Variants in ZNF704 observed in about 807,000 individuals in gnomAD.
ZNF704 encodes the protein glucocorticoid induced gene 1.
ZNF704 carries 10 observed loss-of-function variants against 44.7 expected under a neutral mutation model. The observed-to-expected ratio is 0.22, with a 90% CI of 0.14 to 0.38. ZNF704 has a LOEUF of 0.38. Among genes scored for constraint, ZNF704 ranks in the 10% least tolerant of loss-of-function variants. The pLI, the probability that ZNF704 is intolerant of heterozygous loss-of-function variation, is 1.00. For missense variants in ZNF704, 390 were observed against 545.5 expected (o/e 0.71, Z 2.84); for synonymous variants, 211 against 207.6 (o/e 1.02, Z -0.14).
chr8:80,873,868 C>T (rs1191060250), intron 1 of ZNF704, among the ~76,000 whole-genome samples: 1 of 145,888 alleles, frequency 6.9e-6, no homozygotes, highest in African/African-American at 2.5e-5. Flanking sequence ...GCGGCGGCGG[C>T]AGCGGCGGCC....
chr8:80,699,322 T>A (rs919733722), intron 2 of ZNF704, among the ~76,000 whole-genome samples: 3 of 152,184 alleles, frequency 2.0e-5, no homozygotes, highest in African/African-American at 7.2e-5. Flanking sequence ...GTGGTAAATG[T>A]TAACTCTTCC....
intron 7 of ZNF704, among the ~76,000 whole-genome samples, chr8:80,647,382 G>T (rs968742432): frequency 6.6e-6 from 1 of 152,216 alleles, no homozygotes; most frequent in African/African-American, 2.4e-5. Context: ...GGAGACGGAA[G>T]TATCAAGCTA....
chr8:80,713,922 A>G (rs1819032132), intron 2 of ZNF704, among the ~76,000 whole-genome samples: 1 of 152,198 alleles, frequency 6.6e-6, no homozygotes, highest in Admixed American at 6.5e-5. Flanking sequence ...TTTGGGTTCT[A>G]GAAGAATACA....
intron 7 of ZNF704, among the ~76,000 whole-genome samples, chr8:80,650,284 T>TA (rs1313429575): frequency 6.6e-6 from 1 of 152,160 alleles, no homozygotes; most frequent in Non-Finnish European, 1.5e-5. Flanking sequence ...GCAGCGCAGC[T>TA]ACTCACCAGC....
At chr8:80,817,567 T>C (rs971742770) in intron 2 of ZNF704, among the ~76,000 whole-genome samples, 12 of 152,234 alleles carry the variant, frequency 7.9e-5, no homozygotes, top group African/African-American at 2.9e-4. Flanking sequence ...CGTTTGCATG[T>C]TTAATCCTGT....
At chr8:80,655,993 T>A (rs1237486192) in intron 7 of ZNF704, among the ~76,000 whole-genome samples, 2 of 152,148 alleles carry the variant, frequency 1.3e-5, no homozygotes, top group Non-Finnish European at 2.9e-5. Flanking sequence ...CTCAAATTCA[T>A]ATGATAAAGC....
chr8:80,746,291 C>G (rs1250693466), intron 2 of ZNF704, among the ~76,000 whole-genome samples: 1 of 152,076 alleles, frequency 6.6e-6, no homozygotes, highest in Non-Finnish European at 1.5e-5. Context: ...AGATTTATAC[C>G]ATCTGAAGAG....
chr8:80,791,585 A>G (rs926555709), intron 2 of ZNF704, among the ~76,000 whole-genome samples: 3 of 152,200 alleles, frequency 2.0e-5, no homozygotes, highest in Non-Finnish European at 2.9e-5. Flanking sequence ...AACATGACTC[A>G]CTGAGCTCCT....
chr8:80,803,301 A>C (rs1290508756), intron 2 of ZNF704, among the ~76,000 whole-genome samples: 1 of 152,180 alleles, frequency 6.6e-6, no homozygotes, highest in Non-Finnish European at 1.5e-5. Flanking sequence ...CCTTTAAACT[A>C]CCATTGACAT....
chr8:80,867,713 C>T (rs1348470016), intron 1 of ZNF704, among the ~76,000 whole-genome samples: 1 of 152,186 alleles, frequency 6.6e-6, no homozygotes, highest in African/African-American at 2.4e-5. Flanking sequence ...TCAGTGTTTG[C>T]TGCACAGTTC....
intron 1 of ZNF704, among the ~76,000 whole-genome samples, chr8:80,863,960 TACA>T (rs1283870015): frequency 1.3e-5 from 2 of 152,320 alleles, no homozygotes; most frequent in Admixed American, 6.5e-5. Context: ...TAAATTCTGT[TACA>T]ACAACACTTC....
At chr8:80,713,302 T>C (rs1465928214) in intron 2 of ZNF704, among the ~76,000 whole-genome samples, 8 of 152,212 alleles carry the variant, frequency 5.3e-5, no homozygotes, top group African/African-American at 9.6e-5. Flanking sequence ...ACTGAGTTTA[T>C]TGCCACCTAA....
chr8:80,692,228 T>TCATG (rs1818650276), intron 3 of ZNF704, among the ~76,000 whole-genome samples: 1 of 152,192 alleles, frequency 6.6e-6, no homozygotes, highest in South Asian at 2.1e-4. Context: ...CAAAATCATA[T>TCATG]CATGATTAAG....
intron 7 of ZNF704, among the ~76,000 whole-genome samples, chr8:80,650,898 A>G (rs1216370177): frequency 2.0e-5 from 3 of 152,174 alleles, no homozygotes; most frequent in Admixed American, 1.3e-4. Flanking sequence ...AGGAAAAAAT[A>G]TTAAGGGCAG....
At chr8:80,755,913 C>T (rs928205941) in intron 2 of ZNF704, among the ~76,000 whole-genome samples, 2 of 150,570 alleles carry the variant, frequency 1.3e-5, no homozygotes, top group East Asian at 3.9e-4. Context: ...CAGTACCAGC[C>T]TGGGCAACAC....
intron 2 of ZNF704, among the ~76,000 whole-genome samples, chr8:80,785,480 G>T (rs1807598398): frequency 6.6e-6 from 1 of 152,090 alleles, no homozygotes; most frequent in Admixed American, 6.5e-5. Flanking sequence ...AAAGTTATTT[G>T]GGATTCTTCT....
At chr8:80,727,726 C>T (rs1806509972) in intron 2 of ZNF704, among the ~76,000 whole-genome samples, 3 of 152,144 alleles carry the variant, frequency 2.0e-5, no homozygotes, top group Admixed American at 2.0e-4. Context: ...ATTAGGATGA[C>T]ATAATATTTC....
At position 80,783,001 on chromosome 8, in the gene ZNF704, C is replaced by T. The variant is rs569580838; in HGVS notation, c.221+38373G>A. Among the ~76,000 whole-genome samples, 3 of 152,224 alleles carry T rather than the reference C, an allele frequency of 2.0e-5. No homozygotes were observed. In the South Asian group the frequency reaches 6.2e-4, roughly 32 times the overall value. On this transcript the variant is annotated intron_variant, in intron 2 of 8. Coordinates refer to ENST00000327835, the MANE Select transcript of ZNF704 (RefSeq NM_001033723.3). Reference sequence around the variant, plus strand: ...AACTGTGTTGTTCAAGGGCACTGTACTTGGAAACCACAGAAATGGCATGGT... The same window carrying T: ...AACTGTGTTGTTCAAGGGCACTGTATTTGGAAACCACAGAAATGGCATGGT...
At chr8:80,790,692 G>T (rs1013686150) in intron 2 of ZNF704, among the ~76,000 whole-genome samples, 9 of 152,132 alleles carry the variant, frequency 5.9e-5, no homozygotes, top group African/African-American at 9.7e-5. Context: ...AGGTCCCGGG[G>T]TGAGATGGTG....
Sources: gnomAD v4.1 joint callset for allele counts (sites outside exome capture counted in the v4.1 genomes callset) on GRCh38, gnomAD v4.1.1 for gene constraint, MANE v1.5 for transcripts, NCBI Gene and HGNC (gene_info 2026-07-23, HGNC 2026-07-21) for gene names.